The following NOL10 variants were observed in gnomAD, a reference collection of about 807,000 sequenced individuals.
NOL10 encodes the protein H_NH0074G24.1.
Under a neutral mutation model 103.5 loss-of-function variants are expected in NOL10, and 58 were observed. That is an observed-to-expected ratio of 0.56 (90% CI 0.45 to 0.70). NOL10 has a LOEUF of 0.70. NOL10 is among the 30% of genes least tolerant of loss of function. The pLI is 0.00. For missense variants in NOL10, 763 were observed against 807.3 expected, an observed-to-expected ratio of 0.95 and a Z score of 0.67; for synonymous variants, 287 against 282.5, an observed-to-expected ratio of 1.02 and a Z score of -0.16.
At chr2:10,592,720 A>AT (rs1006788360) in intron 17 of NOL10, among the ~76,000 whole-genome samples, 1 of 152,154 alleles carries the variant, frequency 6.6e-6, no homozygotes, top group Non-Finnish European at 1.5e-5. Context: ...TGGTATTAAG[A>AT]TTTTTTTCTT....
chr2:10,663,460 T>G (rs1252937919), intron 8 of NOL10, among the ~76,000 whole-genome samples: 2 of 152,104 alleles, frequency 1.3e-5, no homozygotes, highest in Non-Finnish European at 2.9e-5. Context: ...GTCCTTATTT[T>G]TAAGAAATCC....
At position 10,667,221 on chromosome 2, in the gene NOL10, T is replaced by C; in HGVS notation, c.588A>G (p.Ile196Met). 1 of 1,579,176 alleles carries C rather than the reference T, an allele frequency of 6.3e-7. No individual in the cohort carries two copies. Among genetic ancestry groups the C allele is most frequent in the Non-Finnish European group, 8.6e-7 (1 of 1,160,164 alleles). The part of the protein sequence containing the change: ...SVHGLFATGT[I>M]EGRVECWDPR... ...AATAAAGTCAACATATGCTTACCTC[T>C]ATGGTTCCTGTGGCAAACAAGCCAT... The change falls in exon 8 of 21, where the codon ATA becomes ATG. Residue 196 changes from isoleucine (I) to methionine (M), a missense_variant. Ile to Met is a conservative substitution (Grantham distance 10, BLOSUM62 1). Transcript: ENST00000381685.
At chr2:10,675,200 T>TA (rs71392253) in intron 4 of NOL10, among the ~76,000 whole-genome samples, 15,026 of 151,912 alleles carry the variant, frequency 0.099, 884 homozygotes, top group Admixed American at 0.17. Context: ...CCTATCTCTT[T>TA]AAAAAAGTAA....
chr2:10,632,717 A>G (rs1286525895), intron 13 of NOL10, among the ~76,000 whole-genome samples: 1 of 152,116 alleles, frequency 6.6e-6, no homozygotes, highest in African/African-American at 2.4e-5. Flanking sequence ...GTCCTTTTTT[A>G]CACTTTTCCT....
intron 17 of NOL10, among the ~76,000 whole-genome samples, chr2:10,600,579 C>T (rs1416795948): frequency 1.4e-5 from 2 of 145,114 alleles, no homozygotes; most frequent in Non-Finnish European, 3.0e-5. Context: ...AAGACTCTTG[C>T]TATTGTAGTT....
intron 12 of NOL10, among the ~76,000 whole-genome samples, chr2:10,653,347 T>G (rs974688449): frequency 1.3e-5 from 2 of 152,154 alleles, no homozygotes; most frequent in Non-Finnish European, 2.9e-5. Flanking sequence ...CACTGTCCTG[T>G]CACCTCCTAA....
chr2:10,628,549 T>A (rs933715820), intron 13 of NOL10, among the ~76,000 whole-genome samples: 16 of 152,186 alleles, frequency 1.1e-4, no homozygotes, highest in African/African-American at 3.1e-4. Flanking sequence ...TTTAATTTCA[T>A]TGGTTTAATC....
chr2:10,678,747 A>T (rs1167495940), intron 3 of NOL10, among the ~76,000 whole-genome samples: 1 of 152,206 alleles, frequency 6.6e-6, no homozygotes, highest in Non-Finnish European at 1.5e-5. Context: ...ACCGAGATTG[A>T]AAGAAAAACC....
intron 12 of NOL10, among the ~76,000 whole-genome samples, chr2:10,652,821 G>A (rs953724770): frequency 1.3e-5 from 2 of 151,374 alleles, no homozygotes; most frequent in Non-Finnish European, 1.5e-5. Context: ...TCTACTGGAC[G>A]CCAGACACGC....
At chr2:10,581,238 T>A (rs894248890) in intron 19 of NOL10, among the ~76,000 whole-genome samples, 7 of 150,922 alleles carry the variant, frequency 4.6e-5, no homozygotes, top group African/African-American at 1.7e-4. Context: ...GAGTGCAAAG[T>A]GCTCAAGCCT....
Position 10,671,709 on chromosome 2 carries a change from A to C in NOL10, c.328-19T>G, listed in dbSNP as rs1293287873. ...AGACAATCTGAAAATAAAACAAAAA[A>C]ATTAGTTTGCTTAGGTTTCTAGTTA... On this transcript the variant is annotated intron_variant, in intron 5 of 20. Coordinates refer to ENST00000381685, the MANE Select transcript of NOL10 (RefSeq NM_024894.4). 1 of 1,532,476 alleles carries C rather than the reference A, an allele frequency of 6.5e-7. No homozygotes were observed. The highest frequency in any genetic ancestry group is 8.8e-7 in the Non-Finnish European group (1 of 1,134,168). The allele number at this position is 1,532,476 out of a possible 1,614,324, so 94.9% of individuals were successfully genotyped here.
At chr2:10,593,874 C>A (rs916553178) in intron 17 of NOL10, among the ~76,000 whole-genome samples, 4 of 152,042 alleles carry the variant, frequency 2.6e-5, no homozygotes, top group Admixed American at 1.3e-4. Flanking sequence ...AGGCCTTTAC[C>A]CCCCCAAGCA....
chr2:10,616,960 A>G (rs548201317), intron 13 of NOL10, among the ~76,000 whole-genome samples: 192 of 152,070 alleles, frequency 1.3e-3, no homozygotes, highest in Non-Finnish European at 2.3e-3. Flanking sequence ...CCATTCACTT[A>G]TTCAACAAAG....
intron 13 of NOL10, among the ~76,000 whole-genome samples, chr2:10,615,690 A>C (rs1240787662): frequency 2.0e-5 from 3 of 152,238 alleles, no homozygotes; most frequent in African/African-American, 7.2e-5. Context: ...GAGAGCTTAC[A>C]GAGGTGAACA....
intron 13 of NOL10, among the ~76,000 whole-genome samples, chr2:10,636,358 T>C (rs1678215618): frequency 6.8e-6 from 1 of 146,200 alleles, no homozygotes; most frequent in Non-Finnish European, 1.5e-5. Context: ...GGAAGACTGC[T>C]TGAGCCCAGG....
At chr2:10,631,467 T>C (rs188001094) in intron 13 of NOL10, among the ~76,000 whole-genome samples, 2 of 152,318 alleles carry the variant, frequency 1.3e-5, no homozygotes, top group Admixed American at 6.5e-5. Flanking sequence ...GCCCTTGCTT[T>C]CATATTCTCC....
chr2:10,579,050 A>G (rs1674618260), intron 19 of NOL10, among the ~76,000 whole-genome samples: 1 of 152,220 alleles, frequency 6.6e-6, no homozygotes, highest in African/African-American at 2.4e-5. Flanking sequence ...TACTGAGAGC[A>G]CAGCTCCTAA....
intron 11 of NOL10, among the ~76,000 whole-genome samples, chr2:10,657,471 A>T (rs1035988219): frequency 5.3e-5 from 8 of 152,192 alleles, no homozygotes; most frequent in Admixed American, 5.2e-4. Flanking sequence ...AACTTTTGTA[A>T]ACCACTATTT....
At chr2:10,681,917 C>T (rs1168752254) in intron 3 of NOL10, 54 bp downstream of exon 3, 6 of 722,070 alleles carry the variant, frequency 8.3e-6, no homozygotes, top group Non-Finnish European at 1.3e-5. Context: ...CCTTTCCCAT[C>T]GCAGCATTTC....
Sources: allele counts gnomAD v4.1 joint callset (sites outside exome capture counted in the v4.1 genomes callset), GRCh38; gene constraint gnomAD v4.1.1; transcripts MANE v1.5; gene names NCBI Gene and HGNC (gene_info 2026-07-23, HGNC 2026-07-21).